Variants in DPYD observed in about 807,000 individuals in gnomAD.
DPYD encodes the protein dihydropyrimidine dehydrogenase.
Under a neutral mutation model 116.2 loss-of-function variants are expected in DPYD, and 109 were observed. That is an observed-to-expected ratio of 0.94 (90% CI 0.80 to 1.10). The LOEUF is 1.10. Among genes scored for constraint, DPYD ranks in the 50% least tolerant of loss-of-function variants. The probability of loss-of-function intolerance (pLI) is 0.00; values close to 1 mark genes in which losing one functional copy is unlikely to be tolerated. For missense variants in DPYD, 1,302 were observed against 1,254.5 expected, an observed-to-expected ratio of 1.04 and a Z score of -0.57; for synonymous variants, 440 against 432.0, an observed-to-expected ratio of 1.02 and a Z score of -0.23.
chr1:97,405,356 T>A (rs918535004), intron 14 of DPYD, among the ~76,000 whole-genome samples: 1 of 152,122 alleles, frequency 6.6e-6, no homozygotes, highest in Non-Finnish European at 1.5e-5. Context: ...TCCATTAACA[T>A]TTCTTGCAAG....
intron 10 of DPYD, among the ~76,000 whole-genome samples, chr1:97,583,071 C>G (rs1275520915): frequency 6.6e-6 from 1 of 152,118 alleles, no homozygotes; most frequent in Non-Finnish European, 1.5e-5. Context: ...CGGGTTCACG[C>G]CATTCTCCTG....
rs189849760 is a variant in DPYD, at chr1:97,206,550, T to A, written c.2443-13302A>T. On this transcript the variant is annotated intron_variant, in intron 19 of 22. Transcript: ENST00000370192. ...ATTCTGGCTCAGTTTGCCCACAGGA[T>A]CCTTTCTTGTAACCACAGTGCAGTC... Among the ~76,000 whole-genome samples the A allele has an allele frequency of 1.1e-3, 168 of 149,006 alleles. 1 individual carries two copies. The highest frequency in any genetic ancestry group is 4.1e-3 in the African/African-American group (166 of 40,910).
chr1:97,312,850 C>T (rs1667596558), intron 16 of DPYD, among the ~76,000 whole-genome samples: 1 of 151,652 alleles, frequency 6.6e-6, no homozygotes. Context: ...TGTGTTCATG[C>T]TAATATAGGT....
intron 8 of DPYD, among the ~76,000 whole-genome samples, chr1:97,674,459 T>C (rs542950847): frequency 6.6e-6 from 1 of 152,270 alleles, no homozygotes; most frequent in Middle Eastern, 3.4e-3. Context: ...TGGATGTTCT[T>C]TCCCTTGCAT....
intron 1 of DPYD, among the ~76,000 whole-genome samples, chr1:97,886,535 C>A (rs1193479840): frequency 2.6e-5 from 4 of 152,050 alleles, no homozygotes; most frequent in Non-Finnish European, 5.9e-5. Flanking sequence ...GGACTAGAGG[C>A]TATTGCCTAT....
intron 14 of DPYD, among the ~76,000 whole-genome samples, chr1:97,410,071 A>AG (rs1673892212): frequency 1.3e-5 from 2 of 148,718 alleles, no homozygotes; most frequent in Admixed American, 1.4e-4. Flanking sequence ...GTCTCAAAAA[A>AG]GAAAAAGAAA....
At chr1:97,125,321 G>A (rs551696640) in intron 20 of DPYD, among the ~76,000 whole-genome samples, 5 of 152,058 alleles carry the variant, frequency 3.3e-5, no homozygotes, top group African/African-American at 9.6e-5. Flanking sequence ...ACATGAGATC[G>A]TTTTTCTCAA....
intron 8 of DPYD, among the ~76,000 whole-genome samples, chr1:97,664,951 A>G (rs763937144): frequency 6.6e-6 from 1 of 152,134 alleles, no homozygotes; most frequent in Non-Finnish European, 1.5e-5. Flanking sequence ...TTGCTTTACC[A>G]CTAAAAGTCT....
chr1:97,163,450 T>C (rs908645218), intron 20 of DPYD, among the ~76,000 whole-genome samples: 1 of 152,202 alleles, frequency 6.6e-6, no homozygotes, highest in African/African-American at 2.4e-5. Context: ...CAGAAACTAA[T>C]AGGATGATCC....
chr1:97,652,283 C>T (rs1197630470), intron 8 of DPYD, among the ~76,000 whole-genome samples: 1 of 152,198 alleles, frequency 6.6e-6, no homozygotes, highest in African/African-American at 2.4e-5. Flanking sequence ...CTTTGACTAA[C>T]ATCTCCTAAC....
At position 97,359,869 on chromosome 1, in the gene DPYD, G is replaced by T. The variant is rs532535103; in HGVS notation, c.2058+13692C>A. On this transcript the variant is annotated intron_variant, in intron 16 of 22. Transcript: ENST00000370192. ...CTGCAAAAATATGCCAAATTGTAAA[G>T]ACCATCAATGCTAGGAAGAAACTGC... is the stretch of plus-strand genomic sequence containing the variant. 1.2e-4 allele frequency among the ~76,000 whole-genome samples: 18 copies of T among 152,296 alleles called. No individual in the cohort carries two copies. In the East Asian group the frequency reaches 3.5e-3, roughly 29 times the overall value.
intron 19 of DPYD, among the ~76,000 whole-genome samples, chr1:97,224,451 C>T (rs1660982219): frequency 6.6e-6 from 1 of 151,950 alleles, no homozygotes; most frequent in African/African-American, 2.4e-5. Context: ...CTCAAATGAT[C>T]ACTACAGTCA....
intron 2 of DPYD, among the ~76,000 whole-genome samples, chr1:97,859,242 C>T (rs894559504): frequency 6.6e-6 from 1 of 152,094 alleles, no homozygotes; most frequent in East Asian, 1.9e-4. Flanking sequence ...ATTGTGTTGT[C>T]TAGCAACACC....
chr1:97,775,983 T>C (rs1357144234), intron 3 of DPYD, among the ~76,000 whole-genome samples: 2 of 152,106 alleles, frequency 1.3e-5, no homozygotes, highest in Non-Finnish European at 2.9e-5. Flanking sequence ...ATTAGGTGTA[T>C]ATATGTATAG....
At chr1:97,547,083 T>G in intron 12 of DPYD, 1 of 910,776 alleles carries the variant, frequency 1.1e-6, no homozygotes, top group Admixed American at 1.7e-5. Flanking sequence ...GTTTTTTTAC[T>G]CTAGAAATGG....
intron 14 of DPYD, among the ~76,000 whole-genome samples, chr1:97,431,856 C>A (rs1360471746): frequency 6.6e-6 from 1 of 152,062 alleles, no homozygotes; most frequent in Non-Finnish European, 1.5e-5. Context: ...TTACCCTTCC[C>A]CTTCCCCTCC....
At chr1:97,683,288 AT>A (rs1302962187) in intron 7 of DPYD, among the ~76,000 whole-genome samples, 2 of 151,912 alleles carry the variant, frequency 1.3e-5, no homozygotes, top group African/African-American at 4.8e-5. Flanking sequence ...TGGGAGAGAA[AT>A]AATATGATTT....
intron 6 of DPYD, among the ~76,000 whole-genome samples, chr1:97,693,290 C>CAAAAAAAAAAAAA (rs201872835): frequency 2.4e-5 from 1 of 41,844 alleles, no homozygotes; most frequent in African/African-American, 1.4e-4. Context: ...GACTCCGTCT[C>CAAAAAAAAAAAAA]AAAAAAAAAA....
At chr1:97,604,770 G>A (rs1034294642) in intron 8 of DPYD, among the ~76,000 whole-genome samples, 2 of 152,010 alleles carry the variant, frequency 1.3e-5, no homozygotes, top group Non-Finnish European at 2.9e-5. Flanking sequence ...GGATGCGCTT[G>A]GTCAACAATT....
Sources: gnomAD v4.1 joint callset for allele counts (sites outside exome capture counted in the v4.1 genomes callset) on GRCh38, gnomAD v4.1.1 for gene constraint, MANE v1.5 for transcripts, NCBI Gene and HGNC (gene_info 2026-07-23, HGNC 2026-07-21) for gene names.